Variants in ULK1 observed in about 807,000 individuals in gnomAD.
ULK1 encodes serine/threonine-protein kinase ULK1.
Under a neutral mutation model 117.5 loss-of-function variants are expected in ULK1, and 48 were observed. The observed-to-expected ratio is 0.41, with a 90% confidence interval of 0.32 to 0.52. ULK1 has a LOEUF of 0.52. Among genes scored for constraint, ULK1 ranks in the 20% least tolerant of loss-of-function variants. The probability of loss-of-function intolerance (pLI) is 0.29; values close to 1 mark genes in which losing one functional copy is unlikely to be tolerated. For synonymous variants in ULK1, 790 were observed against 637.8 expected, an observed-to-expected ratio of 1.24 and a Z score of -3.60; for missense variants, 1,387 against 1,473.4, an observed-to-expected ratio of 0.94 and a Z score of 0.96.
chr12:131,909,195 C>A lies in ULK1; in HGVS notation c.624C>A (p.Gly208=). 6.2e-7 allele frequency: 1 copy of A among 1,610,008 alleles called. No individual in the cohort carries two copies. The change falls in exon 8 of 28, where the codon GGC becomes GGA. Residue 208 remains glycine (G), a synonymous_variant. Coordinates refer to ENST00000321867, the MANE Select transcript of ULK1 (RefSeq NM_003565.4). ...YDGKADLWSI[G]TIVYQCLTGK... ...GGAAGGCGGACCTGTGGAGCATCGGCACCATCGTCTACCAGTGCCTGACGG... is the reference window on the plus strand; with the variant it reads ...GGAAGGCGGACCTGTGGAGCATCGGAACCATCGTCTACCAGTGCCTGACGG...
In ULK1 at chr12:131,916,126, C is replaced by A. The variant is rs1259826337; in HGVS notation, c.1845C>A (p.Asn615Lys). ...AGCTGCCCGACTTCCTGCAGCGAAACCCCCTGCCCCCCATCCTGGGCTCCC... is the reference window on the plus strand; with the variant it reads ...AGCTGCCCGACTTCCTGCAGCGAAAACCCCTGCCCCCCATCCTGGGCTCCC... ...SPKLPDFLQR[N>K]PLPPILGSPT... is the part of the protein sequence containing the mutation. Residue 615 changes from asparagine (N) to lysine (K), a missense_variant, in exon 19 of 28, where the codon AAC (asparagine) becomes AAA (lysine). Asn to Lys is a moderately conservative substitution (Grantham distance 94). Around this residue, in one of 4 missense-constraint regions of ULK1, gnomAD observed 900 missense variants for 858.9 expected, o/e 1.05. Transcript: ENST00000321867. The A allele has an allele frequency of 6.2e-7, 1 of 1,612,338 alleles. No individual in the cohort carries two copies. The highest frequency in any genetic ancestry group is 8.5e-7 in the Non-Finnish European group (1 of 1,179,770).
intron 21 of ULK1, among the ~76,000 whole-genome samples, 170 bp downstream of exon 21, chr12:131,917,232 C>T (rs71433687): frequency 0.024 from 188 of 7,878 alleles, 13 homozygotes; most frequent in East Asian, 0.13. Context: ...GGCTGTGGGA[C>T]GGGGGTCGGG....
rs564146621 is a variant in ULK1, at chr12:131,909,769, C to A, written c.667-6C>A. ...CCTGGCAGTCAGGCTGTCCCCGTCCCCGCAGGCCAGCAGCCCCCAGGACCT... is the reference window on the plus strand; with the variant it reads ...CCTGGCAGTCAGGCTGTCCCCGTCCACGCAGGCCAGCAGCCCCCAGGACCT... On this transcript the variant is annotated splice_polypyrimidine_tract_variant and splice_region_variant and intron_variant, in intron 8 of 27. Transcript: ENST00000321867. 3 of 1,603,098 alleles carry A rather than the reference C, an allele frequency of 1.9e-6. No homozygotes were observed. The highest frequency in any genetic ancestry group is 3.4e-5 in the Admixed American group (2 of 59,030).
At chr12:131,918,783 G>GTA in intron 23 of ULK1, 102 bp downstream of exon 23, 2 of 1,137,316 alleles carry the variant, frequency 1.8e-6, no homozygotes, top group Admixed American at 3.1e-5. Flanking sequence ...GGTGTCGGGT[G>GTA]TGGGGTGTCG....
intron 3 of ULK1, among the ~76,000 whole-genome samples, chr12:131,905,404 G>A (rs116492065): frequency 1.1e-3 from 168 of 152,176 alleles, no homozygotes; most frequent in African/African-American, 3.9e-3. Context: ...TGTGGGACGC[G>A]GCTCCTGAGG....
intron 3 of ULK1, among the ~76,000 whole-genome samples, chr12:131,901,465 AGCCATGCCC>A (rs1377930636): frequency 6.6e-6 from 1 of 152,188 alleles, no homozygotes; most frequent in Non-Finnish European, 1.5e-5. Context: ...GCCAGCCCAA[AGCCATGCCC>A]GCGTCCCGGG....
rs539839133 is a variant in ULK1, at chr12:131,910,443, C to A, written c.859+139C>A. 14 of 1,382,982 alleles carry A rather than the reference C, an allele frequency of 1.0e-5. 1 individual carries two copies. Among genetic ancestry groups the A allele is most frequent in the African/African-American group, 7.1e-5 (5 of 70,328 alleles). The allele number at this position is 1,382,982 out of a possible 1,614,324, so 85.7% of individuals were successfully genotyped here. On this transcript the variant is annotated intron_variant, in intron 11 of 27. Transcript: ENST00000321867. ...CAGCTCCCAGGGAGGGCAGGACACC[C>A]GGCTCCTTGCTCTGCTGCAGCGGGG... is the stretch of plus-strand genomic sequence containing the variant.
At position 131,895,058 on chromosome 12, in the gene ULK1, G is replaced by A; in HGVS notation, c.57G>A (p.Lys19=). The part of the protein sequence containing the change: ...ETVGKFEFSR[K]DLIGHGAFAV... ...TGGGCAAGTTCGAGTTCTCCCGCAAGGACCTGATCGGCCACGGCGCCTTCG... is the reference window on the plus strand; with the variant it reads ...TGGGCAAGTTCGAGTTCTCCCGCAAAGACCTGATCGGCCACGGCGCCTTCG... The change falls in exon 1 of 28, where the codon AAG becomes AAA. Residue 19 remains lysine, a synonymous_variant. Coordinates refer to ENST00000321867, the MANE Select transcript of ULK1 (RefSeq NM_003565.4). The A allele has an allele frequency of 1.3e-6, 2 of 1,578,250 alleles. No individual in the cohort carries two copies. The highest frequency in any genetic ancestry group is 1.7e-6 in the Non-Finnish European group (2 of 1,168,420).
chr12:131,921,675 G>A lies in ULK1; in HGVS notation c.*314G>A. The A allele has an allele frequency of 1.7e-6, 1 of 605,488 alleles. No individual in the cohort carries two copies. The highest frequency in any genetic ancestry group is 3.0e-6 in the Non-Finnish European group (1 of 332,430). The allele number at this position is 605,488 out of a possible 1,614,324, so 37.5% of individuals were successfully genotyped here. ...AGCCCCAGGGCAGCCCCGGAGGACAGGCAAGGGCCTGAGACCACTGCCGAC... is the reference window on the plus strand; with the variant it reads ...AGCCCCAGGGCAGCCCCGGAGGACAAGCAAGGGCCTGAGACCACTGCCGAC... On this transcript the variant is annotated 3_prime_UTR_variant, in exon 28 of 28. Coordinates refer to ENST00000321867, the MANE Select transcript of ULK1 (RefSeq NM_003565.4).
intron 7 of ULK1, 37 bp from the exon 8 acceptor site, chr12:131,909,099 C>CG: frequency 1.7e-5 from 27 of 1,599,852 alleles, no homozygotes; most frequent in Non-Finnish European, 2.3e-5. Flanking sequence ...GGTTGGCGTG[C>CG]GGGGGCCTCA....
At chr12:131,915,863 G>T in intron 18 of ULK1, 28 bp from the exon 19 acceptor site, 1 of 1,605,136 alleles carries the variant, frequency 6.2e-7, no homozygotes, top group Non-Finnish European at 8.5e-7. Context: ...CGGACCGGAA[G>T]GTCGTGACGA....
Position 131,911,877 on chromosome 12 carries a change from G to A in ULK1, c.949-65G>A, listed in dbSNP as rs1439009116. On this transcript the variant is annotated intron_variant, in intron 12 of 27. Transcript: ENST00000321867. ...GGGCTCTGGGCCATCCCAGGAGGGG[G>A]AATTTGCTCCCCTGAGTGTGTAGGT... 1.9e-6 allele frequency: 3 copies of A among 1,609,900 alleles called. No homozygotes were observed. The African/African-American group carries it at 4.0e-5, about 22-fold the overall frequency.
rs1889772650 is a variant in ULK1 at position 131,916,148 on chromosome 12, T to G, written c.1867T>G (p.Ser623Ala). 1 of 1,610,764 alleles carries G rather than the reference T, an allele frequency of 6.2e-7. No individual in the cohort carries two copies. Among genetic ancestry groups the G allele is most frequent in the African/African-American group, 1.3e-5 (1 of 74,660 alleles). Residue 623 changes from serine (S) to alanine (A), a missense_variant, in exon 19 of 28, where the codon TCC (serine) becomes GCC (alanine). By Grantham distance (99) the Ser-to-Ala change is moderately conservative. Around this residue, in one of 4 missense-constraint regions of ULK1, gnomAD observed 900 missense variants for 858.9 expected, o/e 1.05. Coordinates refer to ENST00000321867, the MANE Select transcript of ULK1 (RefSeq NM_003565.4). ...QRNPLPPILG[S>A]PTKAVPSFDF... ...AAACCCCCTGCCCCCCATCCTGGGC[T>G]CCCCCACCAAGGTAATGGGCACTGC...
rs770307947 is a variant in ULK1, at chr12:131,910,692, C to T, written c.860-20C>T. The stretch of plus-strand genomic sequence containing the variant: ...GAGACAGGAGGATGGCCCAGACTGA[C>T]CTATGCATGTTTATCTCAGCCCCAC... On this transcript the variant is annotated intron_variant, in intron 11 of 27. Coordinates refer to ENST00000321867, the MANE Select transcript of ULK1 (RefSeq NM_003565.4). 1.9e-6 allele frequency: 3 copies of T among 1,613,062 alleles called. No homozygotes were observed. Among genetic ancestry groups the T allele is most frequent in the Non-Finnish European group, 1.7e-6 (2 of 1,179,902 alleles).
At chr12:131,909,438 G>C (rs985421427) in intron 8 of ULK1, among the ~76,000 whole-genome samples, 1 of 152,178 alleles carries the variant, frequency 6.6e-6, no homozygotes, top group Non-Finnish European at 1.5e-5. Context: ...CGGTGACTGG[G>C]AGCTGCCCCC....
rs760131671 is a variant in ULK1 at position 131,920,041 on chromosome 12, C to T, written c.2866C>T (p.Arg956Trp). Residue 956 changes from arginine (R) to tryptophan (W), a missense_variant, in exon 26 of 28, where the codon CGG (arginine) becomes TGG (tryptophan). Transcript: ENST00000321867. ...SVVSCQGLSL[R>W]LQRFFLDKQR... ...GGTGTCCTGCCAGGGCCTGAGCCTGCGGCTGCAGCGCTTCTTCCTGGACAA... is the reference window on the plus strand; with the variant it reads ...GGTGTCCTGCCAGGGCCTGAGCCTGTGGCTGCAGCGCTTCTTCCTGGACAA... The T allele has an allele frequency of 1.1e-5, 17 of 1,612,710 alleles. No individual in the cohort carries two copies. Among genetic ancestry groups the T allele is most frequent in the East Asian group, 6.7e-5 (3 of 44,902 alleles).
At chr12:131,919,636 G>A (rs1203813134) in intron 25 of ULK1, 46 bp downstream of exon 25, 6 of 1,590,398 alleles carry the variant, frequency 3.8e-6, no homozygotes, top group Non-Finnish European at 3.4e-6. Context: ...TGGGGAGGAA[G>A]CCCACCTTGC....
At chr12:131,910,148 G>A (rs377179968) in intron 10 of ULK1, 106 bp from the exon 11 acceptor site, 24 of 1,571,806 alleles carry the variant, frequency 1.5e-5, no homozygotes, top group Middle Eastern at 1.7e-4. Flanking sequence ...CTCCACCTCC[G>A]CCCGGGCAGG....
At chr12:131,907,159 A>G (rs1889308620) in intron 4 of ULK1, among the ~76,000 whole-genome samples, 1 of 152,144 alleles carries the variant, frequency 6.6e-6, no homozygotes, top group African/African-American at 2.4e-5. Context: ...GGGAGTAATT[A>G]CAGGTGTGTG....
Sources: allele counts gnomAD v4.1 joint callset (sites outside exome capture counted in the v4.1 genomes callset), GRCh38; gene constraint gnomAD v4.1.1; regional missense constraint gnomAD v4.1.1; transcripts MANE v1.5; gene names NCBI Gene and HGNC (gene_info 2026-07-23, HGNC 2026-07-21).